Variants in ULK4 observed in about 807,000 individuals in gnomAD.
ULK4 encodes the protein unc-51 like kinase 4.
In ULK4, 133 loss-of-function variants were observed where a neutral mutation model predicts 160.6. That is an observed-to-expected ratio of 0.83 (90% CI 0.72 to 0.96). The LOEUF is 0.96. ULK4 is among the 40% of genes least tolerant of loss of function. The pLI, the probability that ULK4 is intolerant of heterozygous loss-of-function variation, is 0.00. For missense variants in ULK4, 1,580 were observed against 1,499.5 expected (o/e 1.05, Z -0.89); for synonymous variants, 534 against 539.8 (o/e 0.99, Z 0.15).
chr3:41,917,231 T>A (rs1389436678), intron 7 of ULK4, among the ~76,000 whole-genome samples: 1 of 152,134 alleles, frequency 6.6e-6, no homozygotes, highest in Non-Finnish European at 1.5e-5. Flanking sequence ...TGGCCACACA[T>A]TGTGGCTCAT....
chr3:41,826,774 T>C (rs1247560130), intron 18 of ULK4, among the ~76,000 whole-genome samples: 4 of 148,068 alleles, frequency 2.7e-5, no homozygotes, highest in South Asian at 2.1e-4. Context: ...AACAAGGATA[T>C]CCAGGAATTG....
chr3:41,610,563 C>A (rs2032623923), intron 31 of ULK4, among the ~76,000 whole-genome samples: 1 of 152,124 alleles, frequency 6.6e-6, no homozygotes. Context: ...GTCTATATGA[C>A]ATTGGTGTCT....
At chr3:41,877,063 A>G (rs1235028104) in intron 17 of ULK4, among the ~76,000 whole-genome samples, 1 of 152,228 alleles carries the variant, frequency 6.6e-6, no homozygotes, top group Non-Finnish European at 1.5e-5. Context: ...AGAAAGTACA[A>G]AGTAATCTCT....
intron 2 of ULK4, among the ~76,000 whole-genome samples, chr3:41,953,667 C>G (rs1475541654): frequency 2.0e-5 from 3 of 152,116 alleles, no homozygotes; most frequent in South Asian, 2.1e-4. Flanking sequence ...ACCCAGTGTC[C>G]TTCCTTGACA....
chr3:41,834,917 T>C (rs540001460), intron 18 of ULK4, among the ~76,000 whole-genome samples: 60 of 152,236 alleles, frequency 3.9e-4, no homozygotes, highest in African/African-American at 1.4e-3. Context: ...CGGAGGTGCA[T>C]ACCTGTAGTT....
At chr3:41,889,650 T>C (rs1697846266) in intron 16 of ULK4, among the ~76,000 whole-genome samples, 1 of 152,238 alleles carries the variant, frequency 6.6e-6, no homozygotes, top group Non-Finnish European at 1.5e-5. Context: ...AGTTTACCTA[T>C]ATAACAAATC....
chr3:41,386,093 T>C (rs770958442), intron 35 of ULK4, among the ~76,000 whole-genome samples: 2 of 152,196 alleles, frequency 1.3e-5, no homozygotes, highest in Non-Finnish European at 2.9e-5. Context: ...TTGTTCTTCA[T>C]GTATTATATC....
chr3:41,952,633 C>G (rs1047846982), intron 2 of ULK4, among the ~76,000 whole-genome samples: 2 of 151,984 alleles, frequency 1.3e-5, no homozygotes, highest in East Asian at 1.9e-4. Context: ...GAGAAGATGG[C>G]AGAGCTGCTG....
chr3:41,699,746 G>T (rs2036609739), intron 27 of ULK4, among the ~76,000 whole-genome samples: 1 of 152,088 alleles, frequency 6.6e-6, no homozygotes, highest in Admixed American at 6.5e-5. Flanking sequence ...TTGGGGTGTT[G>T]GATCTTCATC....
intron 21 of ULK4, among the ~76,000 whole-genome samples, chr3:41,783,196 G>A (rs2039906502): frequency 7.6e-6 from 1 of 131,916 alleles, no homozygotes; most frequent in Non-Finnish European, 1.5e-5. Context: ...TTTGGCCTTT[G>A]GTGTTCTGAT....
intron 32 of ULK4, among the ~76,000 whole-genome samples, chr3:41,543,400 TA>T (rs2086757504): frequency 6.6e-6 from 1 of 151,576 alleles, no homozygotes; most frequent in Admixed American, 6.6e-5. Context: ...ACTAATCCTG[TA>T]AGAAGATGAG....
rs369441290 is a variant in ULK4 at position 41,931,887 on chromosome 3, A to G, written c.498T>C (p.Asn166=). 1 of 1,614,038 alleles carries G rather than the reference A, an allele frequency of 6.2e-7. No homozygotes were observed. The highest frequency in any genetic ancestry group is 1.1e-5 in the South Asian group (1 of 91,078). Residue 166 remains asparagine, a synonymous_variant, in exon 5 of 37, where the codon AAT becomes AAC. Transcript: ENST00000301831. ...TGCTTTTCTTCAGGACATTTTCCCC[A>G]TTATCACCTCCTCCTTCCTCTGCTG... The part of the protein sequence containing the change: ...LVAAEEGGGD[N]GENVLKKSMK...
At chr3:41,751,907 AACAG>A (rs983846230) in intron 22 of ULK4, among the ~76,000 whole-genome samples, 2 of 152,206 alleles carry the variant, frequency 1.3e-5, no homozygotes, top group Non-Finnish European at 2.9e-5. Flanking sequence ...TTCAAAATGC[AACAG>A]ACAAACCATG....
Position 41,412,553 on chromosome 3 carries a change from A to ATTTTTTTTTTTT in ULK4, c.3493-14301_3493-14290dup, listed in dbSNP as rs57224854. On this transcript the variant is annotated intron_variant, in intron 34 of 36. Transcript: ENST00000301831. ...TAAAGGTCAATGGCAATGCAGTTGAATTTTTTTTTTTTTTTTTTTTTTTTT... is the reference window on the plus strand; with the variant it reads ...TAAAGGTCAATGGCAATGCAGTTGAATTTTTTTTTTTTTTTTTTTTTTTTTTTTTTTTTTTTT... Among the ~76,000 whole-genome samples, 269 of 100,400 alleles carry ATTTTTTTTTTTT rather than the reference A, an allele frequency of 2.7e-3. 26 individuals carry two copies. The highest frequency in any genetic ancestry group is 0.011 in the African/African-American group (253 of 24,058). 65.9% of individuals were successfully genotyped at this position (100,400 alleles called of 152,430 possible).
chr3:41,807,915 A>G (rs1273158893), intron 19 of ULK4, among the ~76,000 whole-genome samples: 1 of 152,120 alleles, frequency 6.6e-6, no homozygotes, highest in Non-Finnish European at 1.5e-5. Flanking sequence ...CCATTTGACA[A>G]ATTTGAAAAG....
chr3:41,597,785 C>G (rs540051727), intron 31 of ULK4, among the ~76,000 whole-genome samples: 1 of 152,180 alleles, frequency 6.6e-6, no homozygotes, highest in South Asian at 2.1e-4. Context: ...ATATGCTTCT[C>G]AAAACACAAA....
At chr3:41,334,259 G>A (rs1484217981) in intron 35 of ULK4, among the ~76,000 whole-genome samples, 1 of 152,114 alleles carries the variant, frequency 6.6e-6, no homozygotes, top group Non-Finnish European at 1.5e-5. Context: ...TTATCTCTGC[G>A]AATTGGGTTG....
At chr3:41,875,721 T>C (rs1190771372) in intron 17 of ULK4, among the ~76,000 whole-genome samples, 1 of 151,104 alleles carries the variant, frequency 6.6e-6, no homozygotes, top group African/African-American at 2.5e-5. Context: ...TGTTTTTTTT[T>C]AGAAAAATGT....
intron 35 of ULK4, among the ~76,000 whole-genome samples, chr3:41,313,276 T>C (rs1455723144): frequency 6.6e-6 from 1 of 152,222 alleles, no homozygotes; most frequent in African/African-American, 2.4e-5. Flanking sequence ...AATGTAGGGT[T>C]ATCTAAAGTA....
Sources: allele counts gnomAD v4.1 joint callset (sites outside exome capture counted in the v4.1 genomes callset), GRCh38; gene constraint gnomAD v4.1.1; transcripts MANE v1.5; gene names NCBI Gene and HGNC (gene_info 2026-07-23, HGNC 2026-07-21).